The following CERS3 variants were observed in gnomAD, a reference collection of about 807,000 sequenced individuals.
The protein encoded by CERS3 is ceramide synthase 3, also known as LAG1 homolog, ceramide synthase 3.
CERS3 carries 33 observed loss-of-function variants against 50.3 expected under a neutral mutation model. That is an observed-to-expected ratio of 0.66 (90% CI 0.50 to 0.88). The LOEUF (loss-of-function observed/expected upper bound fraction) is 0.88, where lower values mean the gene tolerates loss of function less well. Ranked by LOEUF, CERS3 falls within the 40% of genes least tolerant of loss-of-function variation. CERS3 has a pLI of 0.00. For missense variants in CERS3, 470 were observed against 460.3 expected (o/e 1.02, Z -0.19); for synonymous variants, 176 against 155.2 (o/e 1.13, Z -0.99).
Position 100,412,790 on chromosome 15 carries a change from T to C in CERS3, c.1000-9925A>G, listed in dbSNP as rs114802226. ...TTCTTGCTACTATCAATGGATCTAA[T>C]TCCTTAAGAGATGATTTCATTTTGT... On this transcript the variant is annotated intron_variant, in intron 11 of 11. Coordinates refer to ENST00000679737, the MANE Select transcript of CERS3 (RefSeq NM_001378789.1). Among the ~76,000 whole-genome samples the C allele has an allele frequency of 7.1e-3, 1,089 of 152,352 alleles. 8 individuals are homozygous for C. Among genetic ancestry groups the C allele is most frequent in the African/African-American group, 0.024 (1,008 of 41,586 alleles).
chr15:100,492,788 T>C (rs1319341491), intron 3 of CERS3, among the ~76,000 whole-genome samples: 2 of 152,188 alleles, frequency 1.3e-5, no homozygotes, highest in African/African-American at 4.8e-5. Flanking sequence ...ATCACTACCT[T>C]ATTTTGTGTT....
At position 100,476,080 on chromosome 15, in the gene CERS3, A is replaced by G. The variant is rs773337161; in HGVS notation, c.609+6T>C. 3.1e-5 allele frequency: 48 copies of G among 1,545,562 alleles called. No individual in the cohort carries two copies. In the East Asian group the frequency reaches 1.1e-3, roughly 36 times the overall value. ...GATAAAGAAGCTTTGTAAATAAGAC[A>G]CTTACCTTTCTCTTGACATCAAAGC... On this transcript the variant is annotated splice_donor_region_variant and intron_variant, in intron 8 of 11. Coordinates refer to ENST00000679737, the MANE Select transcript of CERS3 (RefSeq NM_001378789.1).
chr15:100,486,358 T>C (rs931501859), intron 4 of CERS3, among the ~76,000 whole-genome samples: 2 of 152,200 alleles, frequency 1.3e-5, no homozygotes, highest in African/African-American at 4.8e-5. Flanking sequence ...TTCTGCTACC[T>C]CCTAGCTATG....
chr15:100,475,828 T>A (rs185297684), intron 8 of CERS3: 1 of 201,814 alleles, frequency 5.0e-6, no homozygotes, highest in African/African-American at 2.3e-5. Flanking sequence ...AACAGACATA[T>A]AAAGGAAATG....
At chr15:100,517,535 T>A (rs56243754) in intron 2 of CERS3, among the ~76,000 whole-genome samples, 3,436 of 152,020 alleles carry the variant, frequency 0.023, 151 homozygotes, top group African/African-American at 0.079. Flanking sequence ...TGAAAAAGAG[T>A]AGGACCTTGA....
At chr15:100,429,062 A>G (rs62036039) in intron 11 of CERS3, among the ~76,000 whole-genome samples, 166 of 152,360 alleles carry the variant, frequency 1.1e-3, no homozygotes, top group Admixed American at 1.9e-3. Context: ...TGAGGCCTCA[A>G]ATAAGCACAG....
intron 2 of CERS3, among the ~76,000 whole-genome samples, chr15:100,513,014 A>T (rs891417173): frequency 2.6e-5 from 4 of 152,184 alleles, no homozygotes; most frequent in African/African-American, 7.2e-5. Flanking sequence ...CATAATTGGG[A>T]TATTTTCCTA....
At chr15:100,481,354 T>C (rs1019763702) in intron 5 of CERS3, among the ~76,000 whole-genome samples, 1 of 152,212 alleles carries the variant, frequency 6.6e-6, no homozygotes, top group South Asian at 2.1e-4. Context: ...AGTCAAAAAG[T>C]TGAACCATAA....
In CERS3 at chr15:100,456,004, C is replaced by T. The variant is rs190014784; in HGVS notation, c.888G>A (p.Glu296=). 1.2e-6 allele frequency: 2 copies of T among 1,612,906 alleles called. No homozygotes were observed. The highest frequency in any genetic ancestry group is 1.3e-5 in the African/African-American group (1 of 74,960). Reference sequence around the variant, plus strand: ...TGAGGAAGATGTATGAAAAGAAAGGCTCGAGGTGATACATAGGCAAGATCA... The same window carrying T: ...TGAGGAAGATGTATGAAAAGAAAGGTTCGAGGTGATACATAGGCAAGATCA... ...CTLILPMYHL[E]PFFSYIFLNL... The change falls in exon 11 of 12, where the codon GAG becomes GAA. Residue 296 remains glutamate, a synonymous_variant. Coordinates refer to ENST00000679737, the MANE Select transcript of CERS3 (RefSeq NM_001378789.1).
rs1350501416 is a variant in CERS3 at position 100,400,726 on chromosome 15, C to T, written c.*1987G>A. 1.3e-5 allele frequency: 2 copies of T among 151,802 alleles called. No homozygotes were observed. Among genetic ancestry groups the T allele is most frequent in the Non-Finnish European group, 2.9e-5 (2 of 67,946 alleles). 9.4% of individuals were successfully genotyped at this position (151,802 alleles called of 1,614,324 possible). ...AGCAAGAAGATATTTGGTACAGAGA[C>T]AAAAACCAAATAAGCAAAGAAGAAA... On this transcript the variant is annotated 3_prime_UTR_variant, in exon 12 of 12. Transcript: ENST00000679737.
rs2036014132 is a variant in CERS3, at chr15:100,501,869, AC to A, written c.-1-20del. On this transcript the variant is annotated intron_variant, in intron 2 of 11. Transcript: ENST00000679737. Reference sequence around the variant, plus strand: ...AAACATTCTAGAGAAATGGAAACAGACATTAGGCTTGTAAAACAAACACGTA... The same window carrying A: ...AAACATTCTAGAGAAATGGAAACAGAATTAGGCTTGTAAAACAAACACGTA... 1.2e-6 allele frequency: 2 copies of A among 1,610,704 alleles called. No individual in the cohort carries two copies. The highest frequency in any genetic ancestry group is 4.5e-5 in the East Asian group (2 of 44,842).
chr15:100,513,667 A>G (rs940087065), intron 2 of CERS3, among the ~76,000 whole-genome samples: 2 of 151,286 alleles, frequency 1.3e-5, no homozygotes, highest in African/African-American at 4.9e-5. Flanking sequence ...CCTCCTAAGT[A>G]GCTGGGACCA....
At chr15:100,484,517 C>T in intron 5 of CERS3, 33 bp downstream of exon 5, 1 of 1,415,024 alleles carries the variant, frequency 7.1e-7, no homozygotes, top group East Asian at 2.3e-5. Flanking sequence ...GATAGGACGG[C>T]AGCATTCCTA....
intron 3 of CERS3, among the ~76,000 whole-genome samples, chr15:100,491,236 C>T (rs1176521554): frequency 6.6e-6 from 1 of 151,978 alleles, no homozygotes; most frequent in African/African-American, 2.4e-5. Flanking sequence ...TAAAGACTCC[C>T]GGGGATTAAA....
In CERS3 at chr15:100,417,720, G is replaced by A. The variant is rs557552549; in HGVS notation, c.1000-14855C>T. Among the ~76,000 whole-genome samples the A allele has an allele frequency of 1.1e-3, 159 of 151,266 alleles. 2 individuals carry two copies. The highest frequency in any genetic ancestry group is 3.5e-3 in the African/African-American group (144 of 40,582). On this transcript the variant is annotated intron_variant, in intron 11 of 11. Coordinates refer to ENST00000679737, the MANE Select transcript of CERS3 (RefSeq NM_001378789.1). ...AAGAGAGCAGTGGTTCTCCCAGCACGCAGCTGGAGATCTGAGAACGGGCAG... is the reference window on the plus strand; with the variant it reads ...AAGAGAGCAGTGGTTCTCCCAGCACACAGCTGGAGATCTGAGAACGGGCAG...
At chr15:100,540,561 C>A (rs924675186) in intron 1 of CERS3, among the ~76,000 whole-genome samples, 2 of 152,138 alleles carry the variant, frequency 1.3e-5, no homozygotes, top group Non-Finnish European at 2.9e-5. Flanking sequence ...AAAAAATTAA[C>A]CTTTCTCTTC....
intron 11 of CERS3, among the ~76,000 whole-genome samples, chr15:100,455,549 A>T (rs990186537): frequency 9.9e-5 from 15 of 152,180 alleles, no homozygotes; most frequent in Non-Finnish European, 1.6e-4. Flanking sequence ...CACGTACAAA[A>T]TATCACATAA....
At chr15:100,509,136 C>T (rs1166396222) in intron 2 of CERS3, among the ~76,000 whole-genome samples, 1 of 152,116 alleles carries the variant, frequency 6.6e-6, no homozygotes, top group Non-Finnish European at 1.5e-5. Flanking sequence ...GTAGGGGGTT[C>T]ACGGTCATTC....
At chr15:100,417,548 G>T (rs1356463851) in intron 11 of CERS3, among the ~76,000 whole-genome samples, 5 of 152,120 alleles carry the variant, frequency 3.3e-5, no homozygotes, top group Admixed American at 2.6e-4. Context: ...AAATAAAGCA[G>T]CCTGGAAGCT....
Sources: allele counts gnomAD v4.1 joint callset (sites outside exome capture counted in the v4.1 genomes callset), GRCh38; gene constraint gnomAD v4.1.1; transcripts MANE v1.5; gene names NCBI Gene and HGNC (gene_info 2026-07-23, HGNC 2026-07-21).